PTPRM: variants seen among roughly 807,000 people sequenced by gnomAD.
PTPRM encodes protein tyrosine phosphatase receptor type M, also known as receptor-type tyrosine-protein phosphatase mu.
A neutral mutation model predicts 186.7 loss-of-function variants in PTPRM; 47 were observed. The observed-to-expected ratio is 0.25, with a 90% CI of 0.20 to 0.32. The LOEUF is 0.32. Ranked by LOEUF, PTPRM falls within the 10% of genes least tolerant of loss-of-function variation. PTPRM has a pLI of 1.00. For missense variants in PTPRM, 1,494 were observed against 1,865.0 expected, an observed-to-expected ratio of 0.80 and a Z score of 3.66; for synonymous variants, 668 against 674.9, an observed-to-expected ratio of 0.99 and a Z score of 0.16.
chr18:7,778,382 A>G (rs2042691809), intron 2 of PTPRM, among the ~76,000 whole-genome samples: 1 of 152,020 alleles, frequency 6.6e-6, no homozygotes, highest in South Asian at 2.1e-4. Flanking sequence ...GCCAAACCTA[A>G]TTTCTCTGTT....
intron 13 of PTPRM, among the ~76,000 whole-genome samples, chr18:8,125,492 A>C (rs1004955937): frequency 6.6e-6 from 1 of 152,104 alleles, no homozygotes; most frequent in Non-Finnish European, 1.5e-5. Context: ...CAAACATAAG[A>C]TATACCCTGA....
intron 5 of PTPRM, among the ~76,000 whole-genome samples, chr18:7,938,296 A>T (rs1441398203): frequency 2.0e-5 from 3 of 152,160 alleles, no homozygotes; most frequent in African/African-American, 7.2e-5. Flanking sequence ...CTATGTTTTC[A>T]GAAGAGTTGT....
chr18:8,171,851 G>A (rs1335524776), intron 14 of PTPRM, among the ~76,000 whole-genome samples: 1 of 152,124 alleles, frequency 6.6e-6, no homozygotes, highest in Non-Finnish European at 1.5e-5. Context: ...TCCCTTAAAT[G>A]TGCTCAGAAC....
chr18:8,302,394 G>A (rs898377048), intron 20 of PTPRM, among the ~76,000 whole-genome samples: 5 of 152,182 alleles, frequency 3.3e-5, no homozygotes, highest in African/African-American at 1.2e-4. Flanking sequence ...GGTTGGGCAA[G>A]AGAAGGAGGG....
At chr18:8,156,243 CT>C (rs1176997431) in intron 14 of PTPRM, among the ~76,000 whole-genome samples, 3 of 152,070 alleles carry the variant, frequency 2.0e-5, no homozygotes, top group Non-Finnish European at 4.4e-5. Context: ...AATGGGAACT[CT>C]TTTTAAAGAA....
intron 1 of PTPRM, among the ~76,000 whole-genome samples, chr18:7,593,027 C>T (rs539557499): frequency 2.1e-4 from 32 of 152,256 alleles, no homozygotes; most frequent in African/African-American, 7.7e-4. Context: ...TTTTCTGAGT[C>T]CTTGTAACAA....
At chr18:7,701,776 G>A (rs186946587) in intron 1 of PTPRM, among the ~76,000 whole-genome samples, 2 of 151,896 alleles carry the variant, frequency 1.3e-5, no homozygotes, top group East Asian at 1.9e-4. Flanking sequence ...TGTTACATAG[G>A]TATACACGTG....
At chr18:7,652,084 TG>T (rs2038721283) in intron 1 of PTPRM, among the ~76,000 whole-genome samples, 1 of 152,150 alleles carries the variant, frequency 6.6e-6, no homozygotes, top group African/African-American at 2.4e-5. Flanking sequence ...CATCTAAAAA[TG>T]GGCGAAGGAC....
intron 2 of PTPRM, among the ~76,000 whole-genome samples, chr18:7,787,664 G>A (rs1350566048): frequency 6.6e-6 from 1 of 152,212 alleles, no homozygotes; most frequent in Non-Finnish European, 1.5e-5. Flanking sequence ...TGACTGCAGT[G>A]GGTGTGTGCC....
intron 9 of PTPRM, among the ~76,000 whole-genome samples, chr18:8,083,956 T>A (rs2090291530): frequency 6.6e-6 from 1 of 152,138 alleles, no homozygotes; most frequent in South Asian, 2.1e-4. Context: ...GAGTTTGGGC[T>A]TTCTCTCGTA....
intron 2 of PTPRM, among the ~76,000 whole-genome samples, chr18:7,859,549 AC>A (rs35106600): frequency 6.6e-6 from 1 of 151,812 alleles, no homozygotes; most frequent in Non-Finnish European, 1.5e-5. Flanking sequence ...TCCTATTCTG[AC>A]CCCCAGGCAC....
intron 2 of PTPRM, among the ~76,000 whole-genome samples, chr18:7,804,167 G>C (rs1205425070): frequency 1.3e-5 from 2 of 152,102 alleles, no homozygotes; most frequent in Non-Finnish European, 2.9e-5. Context: ...TCATCGGTTG[G>C]GGTGGACTCT....
At chr18:8,136,405 C>G (rs1268912829) in intron 13 of PTPRM, among the ~76,000 whole-genome samples, 2 of 152,190 alleles carry the variant, frequency 1.3e-5, no homozygotes, top group Admixed American at 6.5e-5. Flanking sequence ...GATAGATCAT[C>G]TTCTCCACAG....
chr18:7,944,917 G>A (rs939009205), intron 5 of PTPRM, among the ~76,000 whole-genome samples: 2 of 152,188 alleles, frequency 1.3e-5, no homozygotes, highest in African/African-American at 2.4e-5. Context: ...AACTCATGTT[G>A]AAATATTAAT....
At chr18:7,960,155 T>C (rs1465750922) in intron 7 of PTPRM, among the ~76,000 whole-genome samples, 1 of 152,158 alleles carries the variant, frequency 6.6e-6, no homozygotes, top group Non-Finnish European at 1.5e-5. Context: ...TGTGGTTAAG[T>C]GACTTGCCAA....
chr18:8,357,165 G>A lies in PTPRM; in HGVS notation c.3054+13645G>A, dbSNP rs748359742. Among the ~76,000 whole-genome samples, 69 of 152,238 alleles carry A rather than the reference G, an allele frequency of 4.5e-4. 1 individual carries two copies. In the Middle Eastern group the frequency reaches 0.01, roughly 23 times the overall value. ...TCACTCCCTTGGGAGAGAGCCCTCC[G>A]CTCCCATGTCCTCTGCACTGTTTTC... On this transcript the variant is annotated intron_variant, in intron 23 of 32. Transcript: ENST00000580170.
intron 7 of PTPRM, among the ~76,000 whole-genome samples, chr18:8,044,174 A>C (rs941267855): frequency 1.3e-5 from 2 of 152,208 alleles, no homozygotes; most frequent in Non-Finnish European, 1.5e-5. Context: ...GGCCTAGTCA[A>C]CAAGAGAGCT....
At chr18:7,902,053 A>G (rs968330803) in intron 3 of PTPRM, among the ~76,000 whole-genome samples, 2 of 152,240 alleles carry the variant, frequency 1.3e-5, no homozygotes, top group South Asian at 4.1e-4. Flanking sequence ...TTTTGTATGT[A>G]TGTATGGGTA....
chr18:8,113,794 T>A, intron 12 of PTPRM, 35 bp downstream of exon 12: 2 of 1,563,434 alleles, frequency 1.3e-6, no homozygotes, highest in South Asian at 2.3e-5. Flanking sequence ...CTTAGGCTAT[T>A]TGGGGTTGTT....
Sources: gnomAD v4.1 joint callset for allele counts (sites outside exome capture counted in the v4.1 genomes callset) on GRCh38, gnomAD v4.1.1 for gene constraint, MANE v1.5 for transcripts, NCBI Gene and HGNC (gene_info 2026-07-23, HGNC 2026-07-21) for gene names.